Variants in TAFA1 observed in about 807,000 individuals in gnomAD.
TAFA1 encodes the protein TAFA chemokine like family member 1.
TAFA1 carries 4 observed loss-of-function variants against 18.5 expected under a neutral mutation model. The ratio of observed to expected loss-of-function variants is 0.22; its 90% confidence interval spans 0.11 to 0.49. The LOEUF (loss-of-function observed/expected upper bound fraction) is 0.49, where lower values mean the gene tolerates loss of function less well. Ranked by LOEUF, TAFA1 falls within the 20% of genes least tolerant of loss-of-function variation. The pLI is 0.98. For missense variants in TAFA1, 147 were observed against 169.0 expected (o/e 0.87, Z 0.72); for synonymous variants, 56 against 55.2 (o/e 1.01, Z -0.06).
intron 2 of TAFA1, among the ~76,000 whole-genome samples, chr3:68,248,749 CTGGGGGT>C (rs2067134605): frequency 8.8e-4 from 1 of 1,132 alleles, no homozygotes; most frequent in African/African-American, 3.7e-3. Context: ...GGGGCGGGGG[CTGGGGGT>C]GGGGTAGGGA....
At chr3:68,494,709 T>C (rs1196138027) in intron 3 of TAFA1, among the ~76,000 whole-genome samples, 1 of 152,206 alleles carries the variant, frequency 6.6e-6, no homozygotes, top group Non-Finnish European at 1.5e-5. Context: ...TCATTTTCTT[T>C]AGAAGAAAAT....
At chr3:68,417,167 A>T (rs1005483149) in intron 2 of TAFA1, 113 bp from the exon 3 acceptor site, 2 of 774,512 alleles carry the variant, frequency 2.6e-6, no homozygotes, top group Non-Finnish European at 4.2e-6. Context: ...TTTCATGGAA[A>T]CTGTTTCTAT....
Position 68,386,610 on chromosome 3 carries a change from C to T in TAFA1, c.119-30670C>T, listed in dbSNP as rs144458665. Among the ~76,000 whole-genome samples the T allele has an allele frequency of 2.6e-5, 4 of 152,174 alleles. No individual in the cohort carries two copies. In the East Asian group the frequency reaches 7.7e-4, roughly 29 times the overall value. The stretch of plus-strand genomic sequence containing the variant: ...TACTACCATCTTTTTTGACAACTAT[C>T]CTTCCCTTCCCTGGAGAGAACTGTT... On this transcript the variant is annotated intron_variant, in intron 2 of 4. Coordinates refer to ENST00000478136, the MANE Select transcript of TAFA1 (RefSeq NM_213609.4).
intron 2 of TAFA1, among the ~76,000 whole-genome samples, chr3:68,090,146 G>C (rs1339429887): frequency 2.6e-5 from 4 of 152,160 alleles, no homozygotes; most frequent in African/African-American, 9.7e-5. Context: ...TTTTGGAGTT[G>C]TGACAGCTGA....
intron 2 of TAFA1, among the ~76,000 whole-genome samples, chr3:68,271,407 G>C (rs2067664714): frequency 6.6e-6 from 1 of 152,092 alleles, no homozygotes; most frequent in Non-Finnish European, 1.5e-5. Flanking sequence ...TAATTGGCCA[G>C]GCCTGGGCCA....
intron 2 of TAFA1, among the ~76,000 whole-genome samples, chr3:68,102,403 T>G (rs1376272302): frequency 6.6e-6 from 1 of 152,186 alleles, no homozygotes; most frequent in Non-Finnish European, 1.5e-5. Context: ...CTGTAGCTCT[T>G]TGTCCAACCA....
At chr3:68,365,049 G>A (rs1044774746) in intron 2 of TAFA1, among the ~76,000 whole-genome samples, 2 of 152,074 alleles carry the variant, frequency 1.3e-5, no homozygotes, top group African/African-American at 4.8e-5. Flanking sequence ...TGAAAGACTC[G>A]TTTATTGGAG....
chr3:68,275,075 T>A (rs936820710), intron 2 of TAFA1, among the ~76,000 whole-genome samples: 2 of 152,028 alleles, frequency 1.3e-5, no homozygotes, highest in African/African-American at 4.8e-5. Flanking sequence ...GTTTTAAGTT[T>A]GCAGGATAAA....
intron 3 of TAFA1, among the ~76,000 whole-genome samples, chr3:68,506,127 A>G (rs2072748593): frequency 6.6e-6 from 1 of 151,982 alleles, no homozygotes. Context: ...TTTATGAGTG[A>G]GAACATCTGG....
intron 2 of TAFA1, among the ~76,000 whole-genome samples, chr3:68,416,569 C>G (rs1311682573): frequency 6.6e-6 from 1 of 152,142 alleles, no homozygotes; most frequent in Non-Finnish European, 1.5e-5. Flanking sequence ...GCTTATCAGC[C>G]TTTATGCAGA....
At chr3:68,437,604 G>GC (rs1225335308) in intron 3 of TAFA1, among the ~76,000 whole-genome samples, 1 of 151,858 alleles carries the variant, frequency 6.6e-6, no homozygotes, top group Non-Finnish European at 1.5e-5. Context: ...TTCTTATAAA[G>GC]CCACCAGTTT....
intron 3 of TAFA1, among the ~76,000 whole-genome samples, chr3:68,494,186 C>T (rs1342660541): frequency 6.6e-6 from 1 of 152,174 alleles, no homozygotes. Flanking sequence ...ACTGCAGCCT[C>T]CACCTCCTGG....
intron 3 of TAFA1, among the ~76,000 whole-genome samples, chr3:68,469,123 G>A (rs2106942536): frequency 6.6e-6 from 1 of 151,902 alleles, no homozygotes; most frequent in Non-Finnish European, 1.5e-5. Flanking sequence ...TATTTTTACG[G>A]TTTTTAAAAT....
At chr3:68,305,435 A>C (rs1034249050) in intron 2 of TAFA1, among the ~76,000 whole-genome samples, 3,569 of 113,970 alleles carry the variant, frequency 0.031, 305 homozygotes, top group East Asian at 0.12. Context: ...ATATATATAT[A>C]TATATATATA....
chr3:68,254,911 A>G (rs1403248160), intron 2 of TAFA1, among the ~76,000 whole-genome samples: 1 of 152,150 alleles, frequency 6.6e-6, no homozygotes, highest in Non-Finnish European at 1.5e-5. Context: ...ATAAATAGAA[A>G]AGGTAATTTG....
upstream of TAFA1, among the ~76,000 whole-genome samples, chr3:67,999,281 CTCT>C (rs1440210806): frequency 8.5e-4 from 4 of 4,732 alleles, no homozygotes; most frequent in Non-Finnish European, 2.5e-3. Context: ...CCCCCCCCCC[CTCT>C]CTCTGTGTGT....
At chr3:68,010,703 G>C (rs1160579845) in intron 2 of TAFA1, among the ~76,000 whole-genome samples, 1 of 152,136 alleles carries the variant, frequency 6.6e-6, no homozygotes, top group African/African-American at 2.4e-5. Context: ...AAATGAAAGT[G>C]AATTTTAAAA....
intron 3 of TAFA1, among the ~76,000 whole-genome samples, chr3:68,462,430 G>C (rs988342149): frequency 6.6e-6 from 1 of 152,074 alleles, no homozygotes; most frequent in African/African-American, 2.4e-5. Context: ...CTGCCACCAT[G>C]TAAGACGTGA....
At chr3:68,055,561 A>G (rs1272560324) in intron 2 of TAFA1, among the ~76,000 whole-genome samples, 1 of 152,082 alleles carries the variant, frequency 6.6e-6, no homozygotes, top group Non-Finnish European at 1.5e-5. Context: ...AAGCCATATT[A>G]GAACGTGGGG....
Sources: allele counts gnomAD v4.1 joint callset (sites outside exome capture counted in the v4.1 genomes callset), GRCh38; gene constraint gnomAD v4.1.1; transcripts MANE v1.5; gene names NCBI Gene and HGNC (gene_info 2026-07-23, HGNC 2026-07-21).